NHEJ1: variants seen among roughly 807,000 people sequenced by gnomAD.
The protein encoded by NHEJ1 is non-homologous end-joining factor 1.
A neutral mutation model predicts 39.4 loss-of-function variants in NHEJ1; 22 were observed. That is an observed-to-expected ratio of 0.56 (90% CI 0.40 to 0.80). NHEJ1 has a LOEUF of 0.80. Among genes scored for constraint, NHEJ1 ranks in the 30% least tolerant of loss-of-function variants. The pLI, the probability that NHEJ1 is intolerant of heterozygous loss-of-function variation, is 0.00. For synonymous variants in NHEJ1, 154 were observed against 135.6 expected, an observed-to-expected ratio of 1.14 and a Z score of -0.94; for missense variants, 329 against 357.1, an observed-to-expected ratio of 0.92 and a Z score of 0.63.
intron 1 of NHEJ1, among the ~76,000 whole-genome samples, chr2:219,159,566 T>TATATATGCATATATATGC (rs745767133): frequency 5.7e-5 from 1 of 17,660 alleles, no homozygotes; most frequent in Non-Finnish European, 1.3e-4. Context: ...TATATATGCA[T>TATATATGCATATATATGC]ATATATATGC....
At chr2:219,153,356 C>T (rs1360079441) in intron 3 of NHEJ1, among the ~76,000 whole-genome samples, 1 of 152,136 alleles carries the variant, frequency 6.6e-6, no homozygotes, top group African/African-American at 2.4e-5. Context: ...GTTCCAAAAC[C>T]TATCTCTTTC....
chr2:219,091,898 G>C (rs545812107), intron 5 of NHEJ1, among the ~76,000 whole-genome samples: 21 of 152,292 alleles, frequency 1.4e-4, no homozygotes, highest in Non-Finnish European at 2.8e-4. Flanking sequence ...ATAATGTCCT[G>C]AGAGCAGAAT....
At chr2:219,095,172 G>A in intron 5 of NHEJ1, 1 of 416,194 alleles carries the variant, frequency 2.4e-6, no homozygotes, top group South Asian at 1.8e-5. Flanking sequence ...GGCTAAATCA[G>A]CTTTCTTCCT....
intron 5 of NHEJ1, among the ~76,000 whole-genome samples, chr2:219,093,969 T>C (rs1475487463): frequency 2.6e-5 from 4 of 152,232 alleles, no homozygotes; most frequent in Non-Finnish European, 5.9e-5. Flanking sequence ...GCAAGGATTC[T>C]GAGGAGAGGC....
rs2106320119 is a variant in NHEJ1 at position 219,078,149 on chromosome 2, C to T, written c.646G>A (p.Asp216Asn). 3.7e-6 allele frequency: 6 copies of T among 1,614,136 alleles called. No individual in the cohort carries two copies. The highest frequency in any genetic ancestry group is 5.1e-6 in the Non-Finnish European group (6 of 1,180,028). ...DGKPFVMNLQDLYMAVTTQEV... is the reference protein window; with the variant it reads ...DGKPFVMNLQNLYMAVTTQEV... Reference sequence around the variant, plus strand: ...TGTGTGGTGACTGCCATATACAGATCCTGCAGATTCATGACAAAGGGCTTT... The same window carrying T: ...TGTGTGGTGACTGCCATATACAGATTCTGCAGATTCATGACAAAGGGCTTT... The change falls in exon 6 of 8, where the codon GAT (aspartate) becomes AAT (asparagine). Residue 216 changes from aspartate to asparagine, a missense_variant. By Grantham distance (23) the Asp-to-Asn change is conservative (BLOSUM62 1). Transcript: ENST00000356853.
At chr2:219,113,083 G>A (rs896225238) in intron 5 of NHEJ1, among the ~76,000 whole-genome samples, 2 of 152,140 alleles carry the variant, frequency 1.3e-5, no homozygotes, top group East Asian at 1.9e-4. Context: ...AAAAGGCAAC[G>A]ACTAAGTCAA....
intron 5 of NHEJ1, among the ~76,000 whole-genome samples, chr2:219,088,777 G>C (rs1006341114): frequency 2.0e-5 from 3 of 152,096 alleles, no homozygotes; most frequent in Admixed American, 2.0e-4. Flanking sequence ...TCTGATATGG[G>C]CACTTTCCTA....
At chr2:219,147,841 A>G (rs1441615820) in intron 3 of NHEJ1, 46 bp from the exon 4 acceptor site, 4 of 1,605,070 alleles carry the variant, frequency 2.5e-6, no homozygotes, top group Non-Finnish European at 3.4e-6. Context: ...CTTATAAAGT[A>G]CTTTCCAATT....
chr2:219,083,471 GA>G lies in NHEJ1; in HGVS notation c.589-5266del, dbSNP rs34925453. Reference sequence around the variant, plus strand: ...TCAGGAATTAGAAAAAAAATTACTAGAAAAAAAAAAAAGAAATACACTTTAA... The same window carrying G: ...TCAGGAATTAGAAAAAAAATTACTAGAAAAAAAAAAAGAAATACACTTTAA... On this transcript the variant is annotated intron_variant, in intron 5 of 7. Coordinates refer to ENST00000356853, the MANE Select transcript of NHEJ1 (RefSeq NM_024782.3). Among the ~76,000 whole-genome samples, 14 of 147,424 alleles carry G rather than the reference GA, an allele frequency of 9.5e-5. No individual in the cohort carries two copies. In the South Asian group the frequency reaches 1.7e-3, roughly 18 times the overall value.
At chr2:219,110,709 A>G (rs965024305) in intron 5 of NHEJ1, among the ~76,000 whole-genome samples, 11 of 151,868 alleles carry the variant, frequency 7.2e-5, no homozygotes, top group African/African-American at 2.7e-4. Flanking sequence ...GAAGGAAGTG[A>G]AGGAATGAAT....
intron 5 of NHEJ1, among the ~76,000 whole-genome samples, chr2:219,134,988 C>T (rs1271552251): frequency 6.8e-6 from 1 of 146,900 alleles, no homozygotes; most frequent in African/African-American, 2.6e-5. Context: ...TGCAGTGAGC[C>T]GAGATCGTGC....
Position 219,102,710 on chromosome 2 carries a change from TA to T in NHEJ1, c.589-24505del, listed in dbSNP as rs879703835. ...CTACTGCACTCTAGCCTGGGCAACATAAAAAAAAAAAAGCTGGGCACAGTGG... is the reference window on the plus strand; with the variant it reads ...CTACTGCACTCTAGCCTGGGCAACATAAAAAAAAAAAGCTGGGCACAGTGG... On this transcript the variant is annotated intron_variant, in intron 5 of 7. Transcript: ENST00000356853. 233 of 134,072 alleles carry T rather than the reference TA, an allele frequency of 1.7e-3. 1 individual carries two copies. Among genetic ancestry groups the T allele is most frequent in the Middle Eastern group, 3.8e-3 (1 of 260 alleles). The allele number at this position is 134,072 out of a possible 1,614,324, so 8.3% of individuals were successfully genotyped here.
At position 219,073,514 on chromosome 2, in the gene NHEJ1, GCA is replaced by G. The variant is rs1290457578; in HGVS notation, c.*2865_*2866del. On this transcript the variant is annotated 3_prime_UTR_variant, in exon 8 of 8. Coordinates refer to ENST00000356853, the MANE Select transcript of NHEJ1 (RefSeq NM_024782.3). ...ATGAGGCTTTCTCTCCAAGCAGGGA[GCA>G]TGCCTGTCCTAGCTAACTATGGGGG... Among the ~76,000 whole-genome samples the G allele has an allele frequency of 7.9e-5, 12 of 152,210 alleles. No individual in the cohort carries two copies. The highest frequency in any genetic ancestry group is 1.6e-4 in the Non-Finnish European group (11 of 68,032).
intron 5 of NHEJ1, among the ~76,000 whole-genome samples, chr2:219,130,767 C>T (rs1307076627): frequency 6.6e-6 from 1 of 152,158 alleles, no homozygotes; most frequent in Non-Finnish European, 1.5e-5. Flanking sequence ...TAAGCACTCT[C>T]CAAATAATAG....
intron 5 of NHEJ1, among the ~76,000 whole-genome samples, chr2:219,137,595 A>AAAAAAAAAAAAAAAAAT (rs143557047): frequency 1.2e-5 from 1 of 82,668 alleles, no homozygotes; most frequent in Non-Finnish European, 3.0e-5. Context: ...AAAAAAAACA[A>AAAAAAAAAAAAAAAAAT]AAAAAACTGA....
intron 3 of NHEJ1, among the ~76,000 whole-genome samples, chr2:219,157,042 T>C (rs1282805434): frequency 6.6e-6 from 1 of 152,188 alleles, no homozygotes; most frequent in African/African-American, 2.4e-5. Flanking sequence ...CTCCTACTCA[T>C]CTTCAAAACT....
At chr2:219,082,778 G>A (rs762364193) in intron 5 of NHEJ1, among the ~76,000 whole-genome samples, 3 of 152,146 alleles carry the variant, frequency 2.0e-5, no homozygotes, top group Non-Finnish European at 4.4e-5. Context: ...CCCACAACAC[G>A]TGACTTCCCT....
At chr2:219,087,018 G>C (rs185378695) in intron 5 of NHEJ1, among the ~76,000 whole-genome samples, 40 of 152,056 alleles carry the variant, frequency 2.6e-4, no homozygotes, top group Non-Finnish European at 4.1e-4. Context: ...TGGTTTCCTG[G>C]GGGGGACGGA....
chr2:219,099,821 G>C (rs896484591), intron 5 of NHEJ1, among the ~76,000 whole-genome samples: 1 of 152,036 alleles, frequency 6.6e-6, no homozygotes, highest in African/African-American at 2.4e-5. Context: ...TCAAGAAGGA[G>C]AAAGTAATGC....
Sources: allele counts gnomAD v4.1 joint callset (sites outside exome capture counted in the v4.1 genomes callset), GRCh38; gene constraint gnomAD v4.1.1; transcripts MANE v1.5; gene names NCBI Gene and HGNC (gene_info 2026-07-23, HGNC 2026-07-21).